Variants in DCUN1D4 observed in about 807,000 individuals in gnomAD.
DCUN1D4 encodes the protein DCN1-like protein 4.
Under a neutral mutation model 47.9 loss-of-function variants are expected in DCUN1D4, and 22 were observed. The ratio of observed to expected loss-of-function variants is 0.46; its 90% confidence interval spans 0.33 to 0.66. The LOEUF (loss-of-function observed/expected upper bound fraction) is 0.66. DCUN1D4 is among the 30% of genes least tolerant of loss of function. DCUN1D4 has a pLI of 0.02. For synonymous variants in DCUN1D4, 121 were observed against 112.2 expected (o/e 1.08, Z -0.50); for missense variants, 301 against 340.8 (o/e 0.88, Z 0.92).
At chr4:51,866,933 C>T (rs1258916673) in intron 3 of DCUN1D4, among the ~76,000 whole-genome samples, 1 of 152,242 alleles carries the variant, frequency 6.6e-6, no homozygotes, top group Non-Finnish European at 1.5e-5. Context: ...CTTCCACCCA[C>T]TTGGCCAGGC....
chr4:51,913,503 A>G (rs780101399), intron 10 of DCUN1D4, 26 bp from the exon 11 acceptor site: 1 of 1,600,736 alleles, frequency 6.2e-7, no homozygotes, highest in South Asian at 1.1e-5. Flanking sequence ...TATTATTATT[A>G]CTACTGTTTC....
intron 1 of DCUN1D4, among the ~76,000 whole-genome samples, chr4:51,856,463 T>G (rs975376501): frequency 6.6e-6 from 1 of 152,254 alleles, no homozygotes; most frequent in African/African-American, 2.4e-5. Flanking sequence ...TTAAAATTTT[T>G]TTCTTTAATA....
At chr4:51,843,554 A>T (rs1184389634) in intron 1 of DCUN1D4, 4 of 1,115,114 alleles carry the variant, frequency 3.6e-6, no homozygotes, top group African/African-American at 1.8e-5. Context: ...TGGACGTGCG[A>T]TGAAGGGCCG....
upstream of DCUN1D4, chr4:51,843,146 G>T: frequency 1.3e-6 from 2 of 1,508,392 alleles, no homozygotes; most frequent in South Asian, 2.5e-5. Flanking sequence ...CCCGGCGGCG[G>T]GTCCTCAGCT....
Position 51,876,690 on chromosome 4 carries a change from A to T in DCUN1D4, c.252-1073A>T, listed in dbSNP as rs896346526. Among the ~76,000 whole-genome samples the T allele has an allele frequency of 3.3e-5, 5 of 152,256 alleles. No homozygotes were observed. The South Asian group carries it at 6.2e-4, about 19-fold the overall frequency. On this transcript the variant is annotated intron_variant, in intron 4 of 10. Transcript: ENST00000334635. Reference sequence around the variant, plus strand: ...GAAAATATACTATTGAGGGATGTGAAACCCCACCTGTATGGAGCACTGACT... The same window carrying T: ...GAAAATATACTATTGAGGGATGTGATACCCCACCTGTATGGAGCACTGACT...
intron 8 of DCUN1D4, among the ~76,000 whole-genome samples, chr4:51,906,926 G>T (rs1291141267): frequency 6.6e-6 from 1 of 152,102 alleles, no homozygotes; most frequent in Non-Finnish European, 1.5e-5. Flanking sequence ...TTAACTCCTT[G>T]TGCCTCAGTT....
At chr4:51,841,508 A>C (rs1721650570), upstream of DCUN1D4, among the ~76,000 whole-genome samples, 1 of 152,166 alleles carries the variant, frequency 6.6e-6, no homozygotes, top group Admixed American at 6.5e-5. Flanking sequence ...ATCAATAAGG[A>C]TGTTCTATGA....
At chr4:51,858,067 T>C (rs957147490) in intron 1 of DCUN1D4, among the ~76,000 whole-genome samples, 2 of 152,144 alleles carry the variant, frequency 1.3e-5, no homozygotes, top group African/African-American at 4.8e-5. Flanking sequence ...GGTAAGATGA[T>C]AGAGTGAAGA....
chr4:51,874,563 G>T (rs867693211), intron 4 of DCUN1D4, among the ~76,000 whole-genome samples, 178 bp downstream of exon 4: 3 of 152,164 alleles, frequency 2.0e-5, no homozygotes, highest in South Asian at 2.1e-4. Flanking sequence ...GTTTAAAAAC[G>T]TAAGAACAAA....
At chr4:51,893,943 G>C (rs1730837156) in intron 7 of DCUN1D4, among the ~76,000 whole-genome samples, 1 of 152,174 alleles carries the variant, frequency 6.6e-6, no homozygotes, top group South Asian at 2.1e-4. Flanking sequence ...CCTGATACCA[G>C]ACCTTGCCCA....
intron 7 of DCUN1D4, among the ~76,000 whole-genome samples, chr4:51,893,356 T>G (rs1730739873): frequency 6.6e-6 from 1 of 152,196 alleles, no homozygotes; most frequent in Non-Finnish European, 1.5e-5. Flanking sequence ...CTTATGATTT[T>G]AATCCTATTC....
At chr4:51,841,738 C>T (rs1346755064), upstream of DCUN1D4, among the ~76,000 whole-genome samples, 1 of 151,974 alleles carries the variant, frequency 6.6e-6, no homozygotes, top group Non-Finnish European at 1.5e-5. Context: ...TGTCTGAGCC[C>T]CTTCCAAATA....
In DCUN1D4 at chr4:51,914,614, C is replaced by A. The variant is rs1413060738; in HGVS notation, c.*1030C>A. ...TTTTGTTTTCCTTGTTTGTTTGTTTCATGCTAGGCTTTTCCTGGCAGCATG... is the reference window on the plus strand; with the variant it reads ...TTTTGTTTTCCTTGTTTGTTTGTTTAATGCTAGGCTTTTCCTGGCAGCATG... On this transcript the variant is annotated 3_prime_UTR_variant, in exon 11 of 11. Transcript: ENST00000334635. 1 of 152,480 alleles carries A rather than the reference C, an allele frequency of 6.6e-6. No homozygotes were observed. The highest frequency in any genetic ancestry group is 1.5e-5 in the Non-Finnish European group (1 of 68,012). The allele number at this position is 152,480 out of a possible 1,614,324, so 9.4% of individuals were successfully genotyped here. A position where few individuals can be genotyped will look rare whatever the true frequency, so the allele number is the denominator to read the frequency against.
chr4:51,867,031 G>T (rs1726050530), intron 3 of DCUN1D4, among the ~76,000 whole-genome samples: 1 of 152,244 alleles, frequency 6.6e-6, no homozygotes, highest in Non-Finnish European at 1.5e-5. Context: ...GTGTGGGTGA[G>T]CAAGCACCCG....
chr4:51,851,262 A>G (rs1418707253), intron 1 of DCUN1D4, among the ~76,000 whole-genome samples: 1 of 152,088 alleles, frequency 6.6e-6, no homozygotes, highest in East Asian at 1.9e-4. Context: ...CATTGTGGAG[A>G]CAGAAGGAAT....
intron 1 of DCUN1D4, chr4:51,848,179 T>C: frequency 1.6e-6 from 2 of 1,256,134 alleles, no homozygotes; most frequent in Non-Finnish European, 2.0e-6. Flanking sequence ...GTATGCAAAC[T>C]AATTTAATAT....
chr4:51,840,519 C>T (rs886770028), upstream of DCUN1D4, among the ~76,000 whole-genome samples: 1 of 152,172 alleles, frequency 6.6e-6, no homozygotes, highest in Non-Finnish European at 1.5e-5. Context: ...TCAGATTAAA[C>T]ATTTAACTCC....
intron 6 of DCUN1D4, among the ~76,000 whole-genome samples, chr4:51,891,199 T>G (rs902907017): frequency 3.9e-5 from 6 of 152,284 alleles, no homozygotes; most frequent in Admixed American, 1.3e-4. Context: ...GCTGTTTCAC[T>G]TAATACATCT....
chr4:51,912,916 G>T (rs1733915426), intron 9 of DCUN1D4, among the ~76,000 whole-genome samples: 1 of 152,174 alleles, frequency 6.6e-6, no homozygotes, highest in South Asian at 2.1e-4. Flanking sequence ...AACACTGAAT[G>T]AAGTGCTTCA....
Sources: allele counts gnomAD v4.1 joint callset (sites outside exome capture counted in the v4.1 genomes callset), GRCh38; gene constraint gnomAD v4.1.1; transcripts MANE v1.5; gene names NCBI Gene and HGNC (gene_info 2026-07-23, HGNC 2026-07-21).